Variants in CD101 observed in about 807,000 individuals in gnomAD.
CD101 encodes CD101 molecule.
Under a neutral mutation model 98.2 loss-of-function variants are expected in CD101, and 76 were observed. The observed-to-expected ratio is 0.77, with a 90% CI of 0.64 to 0.94. The LOEUF is 0.94. CD101 is among the 40% of genes least tolerant of loss of function. The probability of loss-of-function intolerance (pLI) is 0.00; values close to 1 mark genes in which losing one functional copy is unlikely to be tolerated. For missense variants in CD101, 1,145 were observed against 1,218.8 expected (o/e 0.94, Z 0.90); for synonymous variants, 471 against 472.7 (o/e 1.00, Z 0.05).
At position 117,025,718 on chromosome 1, in the gene CD101, A is replaced by T; in HGVS notation, c.2638A>T (p.Arg880Trp). Reference protein sequence around the residue: ...LLEYGEEGLRRHLHCYRSSST... With the variant: ...LLEYGEEGLRWHLHCYRSSST... Reference sequence around the variant, plus strand: ...GGAGTATGGGGAAGAGGGGCTCAGGAGGCACCTGCACTGTTACCGTTCATC... The same window carrying T: ...GGAGTATGGGGAAGAGGGGCTCAGGTGGCACCTGCACTGTTACCGTTCATC... Residue 880 changes from arginine to tryptophan, a missense_variant, in exon 8 of 10, where the codon AGG becomes TGG. Physicochemically the swap from Arg to Trp is moderately radical, Grantham distance 101. Coordinates refer to ENST00000682167, the MANE Select transcript of CD101 (RefSeq NM_001256106.3). The T allele has an allele frequency of 6.2e-7, 1 of 1,614,148 alleles. No individual in the cohort carries two copies. The highest frequency in any genetic ancestry group is 8.5e-7 in the Non-Finnish European group (1 of 1,180,014).
intron 7 of CD101, among the ~76,000 whole-genome samples, chr1:117,024,078 T>C (rs1179263245): frequency 1.3e-5 from 2 of 152,208 alleles, no homozygotes; most frequent in Non-Finnish European, 2.9e-5. Flanking sequence ...GTATTCCATG[T>C]GCTAATATTC....
Position 117,036,413 on chromosome 1 carries a change from T to TG in CD101, c.*280dup, listed in dbSNP as rs1310389601. 1 of 152,136 alleles carries TG rather than the reference T, an allele frequency of 6.6e-6. No individual in the cohort carries two copies. The highest frequency in any genetic ancestry group is 1.5e-5 in the Non-Finnish European group (1 of 68,138). 9.4% of individuals were successfully genotyped at this position (152,136 alleles called of 1,614,324 possible). On this transcript the variant is annotated 3_prime_UTR_variant, in exon 10 of 10. Transcript: ENST00000682167. The surrounding 1 kb of genome is among the most constrained non-coding windows in gnomAD (Gnocchi z 5.0). ...GGGACCCCTCCCCTACATGCACCAA[T>TG]GCACTCTCTCCCCTCTCCATCACCC... is the stretch of plus-strand genomic sequence containing the variant.
chr1:117,005,481 C>A lies in CD101; in HGVS notation c.43+3621C>A, dbSNP rs113551497. Among the ~76,000 whole-genome samples the A allele has an allele frequency of 3.9e-5, 6 of 152,320 alleles. No individual in the cohort carries two copies. The highest frequency in any genetic ancestry group is 2.0e-4 in the Admixed American group (3 of 15,306). ...TCTCCTCTGCCTTCAGAGTCCCCAA[C>A]CTCTTGGCAGCCTTTGGCAGTGCTG... is the stretch of plus-strand genomic sequence containing the variant. On this transcript the variant is annotated intron_variant, in intron 1 of 9. Transcript: ENST00000682167. The surrounding 1 kb of genome is among the most constrained non-coding windows in gnomAD (Gnocchi z 4.4).
chr1:117,012,064 TA>T lies in CD101; in HGVS notation c.841+104del. On this transcript the variant is annotated intron_variant, in intron 3 of 9. Coordinates refer to ENST00000682167, the MANE Select transcript of CD101 (RefSeq NM_001256106.3). This position sits in a 1 kb window ranked among gnomAD's most constrained non-coding sequence, Gnocchi z 4.0. Reference sequence around the variant, plus strand: ...TTTTGTTCTAATCTTTTGTTGGCTCTAAAAAATTGGCTAGAAAGTTTGATTT... The same window carrying T: ...TTTTGTTCTAATCTTTTGTTGGCTCTAAAAATTGGCTAGAAAGTTTGATTT... 5.3e-6 allele frequency: 6 copies of T among 1,142,582 alleles called. No homozygotes were observed. Among genetic ancestry groups the T allele is most frequent in the Non-Finnish European group, 7.4e-6 (6 of 812,368 alleles). The allele number at this position is 1,142,582 out of a possible 1,614,324, so 70.8% of individuals were successfully genotyped here. A position where few individuals can be genotyped will look rare whatever the true frequency, so the allele number is the denominator to read the frequency against.
At position 117,010,105 on chromosome 1, in the gene CD101, A is replaced by G. The variant is rs138899446; in HGVS notation, c.299A>G (p.Gln100Arg). 3.3e-4 allele frequency: 539 copies of G among 1,614,244 alleles called. No individual in the cohort carries two copies. The African/African-American group carries it at 5.5e-3, about 17-fold the overall frequency. Residue 100 changes from glutamine to arginine, a missense_variant, in exon 2 of 10, where the codon CAG becomes CGG. Transcript: ENST00000682167. The surrounding 1 kb of genome is among the most constrained non-coding windows in gnomAD (Gnocchi z 5.2). ...RSGDVYVERV[Q>R]GNSVLLHISK... ...GGAGACGTCTACGTGGAGAGGGTCCAGGGCAACTCAGTCTTGTTGCACATC... is the reference window on the plus strand; with the variant it reads ...GGAGACGTCTACGTGGAGAGGGTCCGGGGCAACTCAGTCTTGTTGCACATC...
At chr1:117,017,604 G>A in intron 5 of CD101, 131 bp downstream of exon 5, 1 of 845,160 alleles carries the variant, frequency 1.2e-6, no homozygotes, top group Non-Finnish European at 1.8e-6. Flanking sequence ...GCTAGTCTCT[G>A]GCTACCCTCT....
At position 117,011,973 on chromosome 1, in the gene CD101, A is replaced by G; in HGVS notation, c.841+7A>G. ...CTGAGGATCCAGCCAGCAGGTAATT[A>G]TCTTCCTACGAAATTCATTAATACA... is the stretch of plus-strand genomic sequence containing the variant. On this transcript the variant is annotated splice_region_variant and intron_variant, in intron 3 of 9. Coordinates refer to ENST00000682167, the MANE Select transcript of CD101 (RefSeq NM_001256106.3). 1 of 1,605,304 alleles carries G rather than the reference A, an allele frequency of 6.2e-7. No homozygotes were observed. Among genetic ancestry groups the G allele is most frequent in the Non-Finnish European group, 8.5e-7 (1 of 1,173,920 alleles).
In CD101 at chr1:117,018,504, G is replaced by T; in HGVS notation, c.1961G>T (p.Arg654Leu). The change falls in exon 6 of 10, where the codon CGC becomes CTC. Residue 654 changes from arginine to leucine, a missense_variant. Transcript: ENST00000682167. This position sits in a 1 kb window ranked among gnomAD's most constrained non-coding sequence, Gnocchi z 4.3. ...GACAGAAATTCCCTATACAACAACC[G>T]CCCCCCGAGGGCTTCTGCCATCTCT... ...VYDRNSLYNN[R>L]PPRASAISHP... is the part of the protein sequence containing the mutation. The T allele has an allele frequency of 1.2e-6, 2 of 1,613,260 alleles. No homozygotes were observed. Among genetic ancestry groups the T allele is most frequent in the South Asian group, 2.2e-5 (2 of 91,044 alleles).
At chr1:117,029,194 A>AGAAAGAAGAAG (rs1557778795) in intron 8 of CD101, among the ~76,000 whole-genome samples, 1 of 43,450 alleles carries the variant, frequency 2.3e-5, no homozygotes, top group East Asian at 5.7e-4. Context: ...AAAGAAAGAA[A>AGAAAGAAGAAG]GAAAGAAAGA....
chr1:117,007,693 C>T (rs1232735425), intron 1 of CD101, among the ~76,000 whole-genome samples: 1 of 152,192 alleles, frequency 6.6e-6, no homozygotes, highest in African/African-American at 2.4e-5. Flanking sequence ...ATGTGTGCAT[C>T]ACTAAATAAT....
chr1:117,024,626 C>A (rs898826274), intron 7 of CD101, among the ~76,000 whole-genome samples: 2 of 152,068 alleles, frequency 1.3e-5, no homozygotes, highest in Non-Finnish European at 2.9e-5. Context: ...TGCTGGTTAG[C>A]AAGGGGAAAA....
intron 7 of CD101, 153 bp from the exon 8 acceptor site, chr1:117,025,356 C>CT (rs1653839073): frequency 3.2e-6 from 2 of 620,994 alleles, no homozygotes; most frequent in African/African-American, 3.8e-5. Context: ...GAGCAAGACT[C>CT]TGTCTCAAAA....
chr1:117,008,673 A>G (rs1652685898), intron 1 of CD101, among the ~76,000 whole-genome samples: 1 of 151,992 alleles, frequency 6.6e-6, no homozygotes, highest in Non-Finnish European at 1.5e-5. Flanking sequence ...CCAGATTCCT[A>G]TACTCAGCCT....
At chr1:117,030,207 C>T (rs1469015467) in intron 8 of CD101, among the ~76,000 whole-genome samples, 1 of 151,966 alleles carries the variant, frequency 6.6e-6, no homozygotes, top group South Asian at 2.1e-4. Context: ...GAGTTTGAGA[C>T]CCCTGTCTCT....
At chr1:117,011,113 T>C (rs1652861797) in intron 2 of CD101, among the ~76,000 whole-genome samples, 1 of 152,228 alleles carries the variant, frequency 6.6e-6, no homozygotes, top group African/African-American at 2.4e-5. Flanking sequence ...TTAACAGCCA[T>C]TATTACATTA....
intron 1 of CD101, among the ~76,000 whole-genome samples, chr1:117,009,027 A>C (rs767216044): frequency 6.6e-6 from 1 of 152,248 alleles, no homozygotes; most frequent in Non-Finnish European, 1.5e-5. Context: ...TTTCTGAAAA[A>C]TGCTTGATTT....
rs1652803727 is a variant in CD101, at chr1:117,010,185, G to C, written c.379G>C (p.Asp127His). 1 of 1,614,126 alleles carries C rather than the reference G, an allele frequency of 6.2e-7. No homozygotes were observed. The change falls in exon 2 of 10, where the codon GAT (aspartate) becomes CAT (histidine). Residue 127 changes from aspartate (D) to histidine (H), a missense_variant. Physicochemically the swap from Asp to His is moderately conservative, Grantham distance 81. Transcript: ENST00000682167. The surrounding 1 kb of genome is among the most constrained non-coding windows in gnomAD (Gnocchi z 5.2). ...GEYECHTPNT[D>H]EKYYGSYSAK... The stretch of plus-strand genomic sequence containing the variant: ...GTATGAGTGTCACACACCAAACACT[G>C]ATGAGAAATACTATGGAAGTTACAG...
intron 1 of CD101, among the ~76,000 whole-genome samples, chr1:117,007,282 C>T (rs1300317257): frequency 1.3e-5 from 2 of 152,054 alleles, no homozygotes; most frequent in African/African-American, 2.4e-5. Flanking sequence ...CCACCCAGCC[C>T]GCAGTGTGCC....
chr1:117,034,214 A>C, intron 9 of CD101, 80 bp downstream of exon 9: 1 of 1,318,402 alleles, frequency 7.6e-7, no homozygotes, highest in Non-Finnish European at 1.0e-6. Flanking sequence ...GCCTTGGGCA[A>C]GTTACCTAGG....
Sources: allele counts gnomAD v4.1 joint callset (sites outside exome capture counted in the v4.1 genomes callset), GRCh38; gene constraint gnomAD v4.1.1; non-coding constraint Gnocchi (gnomAD v3.1); transcripts MANE v1.5; gene names NCBI Gene and HGNC (gene_info 2026-07-23, HGNC 2026-07-21).